Variants in CASP8 observed in about 807,000 individuals in gnomAD.
The protein encoded by CASP8 is caspase 8, also known as caspase-8.
A neutral mutation model predicts 46.3 loss-of-function variants in CASP8; 24 were observed. That is an observed-to-expected ratio of 0.52 (90% CI 0.38 to 0.73). CASP8 has a LOEUF of 0.73. CASP8 is among the 30% of genes least tolerant of loss of function. CASP8 has a pLI of 0.00. For synonymous variants in CASP8, 188 were observed against 200.4 expected, an observed-to-expected ratio of 0.94 and a Z score of 0.52; for missense variants, 460 against 559.0, an observed-to-expected ratio of 0.82 and a Z score of 1.79.
At chr2:201,259,946 G>T (rs1259816867), upstream of CASP8, among the ~76,000 whole-genome samples, 1 of 139,086 alleles carries the variant, frequency 7.2e-6, no homozygotes, top group Non-Finnish European at 1.6e-5. Context: ...CTTTTTAGAG[G>T]TTTTTCATTT....
chr2:201,248,133 C>G (rs768995373), intron 2 of CASP8, among the ~76,000 whole-genome samples: 2 of 152,176 alleles, frequency 1.3e-5, no homozygotes, highest in Non-Finnish European at 2.9e-5. Context: ...AAACTTTCCA[C>G]TTCTTTAGTA....
chr2:201,269,463 A>G, intron 2 of CASP8: 1 of 1,354,324 alleles, frequency 7.4e-7, no homozygotes, highest in Non-Finnish European at 1.0e-6. Flanking sequence ...GAACAAGGAA[A>G]GCCGAGGGGG....
chr2:201,258,140 G>A, upstream of CASP8: 1 of 1,406,800 alleles, frequency 7.1e-7, no homozygotes, highest in Non-Finnish European at 1.0e-6. Context: ...CTGCTGGAGG[G>A]AAGTGTTTTC....
At chr2:201,239,015 T>C (rs2124880117) in intron 2 of CASP8, among the ~76,000 whole-genome samples, 1 of 152,184 alleles carries the variant, frequency 6.6e-6, no homozygotes, top group African/African-American at 2.4e-5. Context: ...AAAGCACATC[T>C]TGCACCGCCC....
At chr2:201,235,440 A>G (rs1946008822) in intron 2 of CASP8, among the ~76,000 whole-genome samples, 1 of 152,186 alleles carries the variant, frequency 6.6e-6, no homozygotes, top group African/African-American at 2.4e-5. Flanking sequence ...AAAATCTACT[A>G]TATTTCCAGT....
chr2:201,283,230 C>CT (rs1949252532), intron 7 of CASP8, among the ~76,000 whole-genome samples: 1 of 88,704 alleles, frequency 1.1e-5, no homozygotes. Flanking sequence ...GCTGACCCCC[C>CT]ACCTCCCTCC....
rs1192188009 is a variant in CASP8, at chr2:201,272,418, G to A, written c.412-220G>A. Among the ~76,000 whole-genome samples the A allele has an allele frequency of 2.0e-5, 3 of 152,138 alleles. No homozygotes were observed. Among genetic ancestry groups the A allele is most frequent in the Non-Finnish European group, 4.4e-5 (3 of 68,018 alleles). ...TGGGGACTGGGTGACATCTGACATG[G>A]CTTCTCCTTTATCCTCTCACTTCTG... On this transcript the variant is annotated intron_variant, in intron 3 of 8. Transcript: ENST00000673742. This position sits in a 1 kb window ranked among gnomAD's most constrained non-coding sequence, Gnocchi z 4.4.
intron 2 of CASP8, among the ~76,000 whole-genome samples, chr2:201,244,681 A>AT (rs1946435572): frequency 1.3e-5 from 2 of 152,162 alleles, no homozygotes; most frequent in Admixed American, 6.5e-5. Context: ...GATAGTGATT[A>AT]TTTTTTGCAG....
At chr2:201,257,933 G>A, upstream of CASP8, 1 of 417,084 alleles carries the variant, frequency 2.4e-6, no homozygotes, top group South Asian at 2.2e-5. Context: ...CAGCGCTCGG[G>A]CTTTAGTTTG....
intron 2 of CASP8, among the ~76,000 whole-genome samples, chr2:201,247,852 G>A (rs898552082): frequency 6.6e-6 from 1 of 152,164 alleles, no homozygotes. Context: ...CACTGTTTTA[G>A]CCAGGATAGT....
intron 7 of CASP8, among the ~76,000 whole-genome samples, chr2:201,282,722 G>T (rs1230546284): frequency 6.8e-5 from 6 of 88,644 alleles, no homozygotes; most frequent in African/African-American, 2.2e-4. Flanking sequence ...CCCGGATGGG[G>T]CGGCTGGCCG....
rs1046397563 is a variant in CASP8 at position 201,287,161 on chromosome 2, T to A, written c.*567T>A. ...GGCTTATGATTCAGATTGTTATCTA[T>A]CAACTATAAGCCCACTGTTAATATT... On this transcript the variant is annotated 3_prime_UTR_variant, in exon 9 of 9. Coordinates refer to ENST00000673742, the MANE Select transcript of CASP8 (RefSeq NM_001372051.1). 3.1e-5 allele frequency: 5 copies of A among 160,942 alleles called. No homozygotes were observed. Among genetic ancestry groups the A allele is most frequent in the African/African-American group, 9.6e-5 (4 of 41,540 alleles). 10.0% of individuals were successfully genotyped at this position (160,942 alleles called of 1,614,324 possible).
At chr2:201,255,342 C>T (rs914389201) in intron 2 of CASP8, among the ~76,000 whole-genome samples, 10 of 152,142 alleles carry the variant, frequency 6.6e-5, no homozygotes, top group Middle Eastern at 3.2e-3. Context: ...TCTCTTCAAG[C>T]GCTGGGATTA....
At chr2:201,280,706 C>T (rs1211556717) in intron 7 of CASP8, among the ~76,000 whole-genome samples, 1 of 152,144 alleles carries the variant, frequency 6.6e-6, no homozygotes, top group Non-Finnish European at 1.5e-5. Context: ...ATGGAAGAGA[C>T]AGAGAGATGT....
chr2:201,253,784 C>A (rs1478157249), intron 2 of CASP8, among the ~76,000 whole-genome samples: 1 of 152,068 alleles, frequency 6.6e-6, no homozygotes, highest in African/African-American at 2.4e-5. Context: ...TATGCCCAAA[C>A]CTTTAAGAAA....
At chr2:201,252,284 TG>T (rs1946821392) in intron 2 of CASP8, among the ~76,000 whole-genome samples, 1 of 152,104 alleles carries the variant, frequency 6.6e-6, no homozygotes, top group Non-Finnish European at 1.5e-5. Flanking sequence ...TTTTTGTTTT[TG>T]TTTTTTTTTG....
chr2:201,284,918 T>C lies in CASP8; in HGVS notation c.905T>C (p.Met302Thr). The C allele has an allele frequency of 6.2e-7, 1 of 1,614,172 alleles. No homozygotes were observed. The highest frequency in any genetic ancestry group is 1.1e-5 in the South Asian group (1 of 91,088). ...GAGATTTTGAAAATCTACCAACTCATGGACCACAGTAACATGGACTGCTTC... is the reference window on the plus strand; with the variant it reads ...GAGATTTTGAAAATCTACCAACTCACGGACCACAGTAACATGGACTGCTTC... Reference protein sequence around the residue: ...IYEILKIYQLMDHSNMDCFIC... With the variant: ...IYEILKIYQLTDHSNMDCFIC... The change falls in exon 8 of 9, where the codon ATG (methionine) becomes ACG (threonine). Residue 302 changes from methionine to threonine, a missense_variant. By Grantham distance (81) the Met-to-Thr change is moderately conservative (BLOSUM62 -1). Transcript: ENST00000673742.
chr2:201,234,430 C>G (rs1434509732), intron 2 of CASP8, among the ~76,000 whole-genome samples: 1 of 152,052 alleles, frequency 6.6e-6, no homozygotes, highest in African/African-American at 2.4e-5. Flanking sequence ...GACAATGGCT[C>G]ACATAGTGAA....
chr2:201,258,938 C>A (rs190430313), upstream of CASP8, among the ~76,000 whole-genome samples: 468 of 152,226 alleles, frequency 3.1e-3, 2 homozygotes, highest in African/African-American at 0.011. Context: ...TGTATCTTTG[C>A]AAAATGTATT....
Sources: gnomAD v4.1 joint callset for allele counts (sites outside exome capture counted in the v4.1 genomes callset) on GRCh38, gnomAD v4.1.1 for gene constraint, Gnocchi (gnomAD v3.1) non-coding constraint, MANE v1.5 for transcripts, NCBI Gene and HGNC (gene_info 2026-07-23, HGNC 2026-07-21) for gene names.